The following AIRE variants were observed in gnomAD, a reference collection of about 807,000 sequenced individuals.
AIRE encodes the protein autoimmune regulator.
In AIRE, 52 loss-of-function variants were observed where a neutral mutation model predicts 62.1. The observed-to-expected ratio is 0.84, with a 90% CI of 0.67 to 1.06. The LOEUF is 1.06. Ranked by LOEUF, AIRE falls within the 50% of genes least tolerant of loss-of-function variation. AIRE has a pLI of 0.00. For synonymous variants in AIRE, 342 were observed against 321.6 expected (o/e 1.06, Z -0.68); for missense variants, 774 against 755.8 (o/e 1.02, Z -0.28).
At chr21:44,294,363 C>A (rs376163906) in intron 11 of AIRE, 38 bp from the exon 12 acceptor site, 19 of 1,408,944 alleles carry the variant, frequency 1.3e-5, no homozygotes, top group Non-Finnish European at 1.7e-5. Flanking sequence ...CACTCCTGCT[C>A]CCCCCCAGGG....
chr21:44,296,308 CT>C, intron 12 of AIRE, 74 bp from the exon 13 acceptor site: 1 of 1,370,380 alleles, frequency 7.3e-7, no homozygotes. Context: ...CCCGCGGCCC[CT>C]AGGCCCTGCG....
At position 44,298,462 on chromosome 21, in the gene AIRE, C is replaced by T. The variant is rs577794532; in HGVS notation, c.*735C>T. On this transcript the variant is annotated 3_prime_UTR_variant, in exon 14 of 14. Transcript: ENST00000291582. ...TCCATGTTGTAGCATGTGCCGAAAT[C>T]TGCTTCCTTTTTTAAGGCTGAGTAA... 2 of 153,706 alleles carry T rather than the reference C, an allele frequency of 1.3e-5. No individual in the cohort carries two copies. Among genetic ancestry groups the T allele is most frequent in the East Asian group, 1.9e-4 (1 of 5,200 alleles). The allele number at this position is 153,706 out of a possible 1,614,324, so 9.5% of individuals were successfully genotyped here.
At chr21:44,292,879 A>C in intron 9 of AIRE, 114 bp from the exon 10 acceptor site, 1 of 897,360 alleles carries the variant, frequency 1.1e-6, no homozygotes, top group Non-Finnish European at 1.8e-6. Flanking sequence ...CCACCATGCC[A>C]GGCCTCTGCC....
At chr21:44,290,166 A>T (rs951946750) in intron 7 of AIRE, 98 bp downstream of exon 7, 8 of 1,537,248 alleles carry the variant, frequency 5.2e-6, no homozygotes, top group Non-Finnish European at 4.4e-6. Flanking sequence ...AGGGATGAGC[A>T]CCGGGGCCTG....
rs536903815 is a variant in AIRE at position 44,298,309 on chromosome 21, C to A, written c.*582C>A. ...CACTCACTCCCCATTCCCCTCCCAA[C>A]CCCTGGCACCCTCCACTCTACTTTC... is the stretch of plus-strand genomic sequence containing the variant. On this transcript the variant is annotated 3_prime_UTR_variant, in exon 14 of 14. Transcript: ENST00000291582. 1 of 173,924 alleles carries A rather than the reference C, an allele frequency of 5.7e-6. No homozygotes were observed. The highest frequency in any genetic ancestry group is 1.2e-5 in the Non-Finnish European group (1 of 80,172). 10.8% of individuals were successfully genotyped at this position (173,924 alleles called of 1,614,324 possible). A position where few individuals can be genotyped will look rare whatever the true frequency, so the allele number is the denominator to read the frequency against.
intron 7 of AIRE, chr21:44,290,485 G>C (rs1048870380): frequency 6.4e-5 from 62 of 971,948 alleles, no homozygotes; most frequent in Non-Finnish European, 6.6e-5. Flanking sequence ...TACAGATCTT[G>C]ACCACTTGGC....
At position 44,297,330 on chromosome 21, in the gene AIRE, AC is replaced by A. The variant is rs977355988; in HGVS notation, c.1567-323del. Among the ~76,000 whole-genome samples the A allele has an allele frequency of 8.3e-6, 1 of 120,420 alleles. No homozygotes were observed. The highest frequency in any genetic ancestry group is 9.9e-5 in the Admixed American group (1 of 10,122). 79.0% of individuals were successfully genotyped at this position (120,420 alleles called of 152,430 possible). A position where few individuals can be genotyped will look rare whatever the true frequency, so the allele number is the denominator to read the frequency against. On this transcript the variant is annotated intron_variant, in intron 13 of 13. Coordinates refer to ENST00000291582, the MANE Select transcript of AIRE (RefSeq NM_000383.4). This position sits in a 1 kb window ranked among gnomAD's most constrained non-coding sequence, Gnocchi z 4.8. ...CCGACCCCCCCACCCTGAAGGAGCC[AC>A]CCGAGGAGGCAGAACTGCCATGAAC...
chr21:44,290,224 T>G, intron 7 of AIRE, 156 bp downstream of exon 7: 4 of 983,510 alleles, frequency 4.1e-6, no homozygotes, highest in Non-Finnish European at 4.8e-6. Context: ...AGACAGTATT[T>G]TTTTCCTGAT....
intron 7 of AIRE, 102 bp from the exon 8 acceptor site, chr21:44,290,993 A>G: frequency 1.2e-6 from 2 of 1,613,240 alleles, no homozygotes; most frequent in East Asian, 2.2e-5. Flanking sequence ...GAGTTCAGGT[A>G]CCCAGAGATG....
At chr21:44,290,356 G>A in intron 7 of AIRE, 1 of 985,452 alleles carries the variant, frequency 1.0e-6, no homozygotes, top group Non-Finnish European at 1.2e-6. Context: ...GGTGGGCCGG[G>A]CGCCCCTGCT....
Position 44,298,056 on chromosome 21 carries a change from C to T in AIRE, c.*329C>T, listed in dbSNP as rs1200435388. 13 of 370,118 alleles carry T rather than the reference C, an allele frequency of 3.5e-5. No individual in the cohort carries two copies. Among genetic ancestry groups the T allele is most frequent in the African/African-American group, 6.3e-5 (3 of 47,980 alleles). The allele number at this position is 370,118 out of a possible 1,614,324, so 22.9% of individuals were successfully genotyped here. On this transcript the variant is annotated 3_prime_UTR_variant, in exon 14 of 14. Coordinates refer to ENST00000291582, the MANE Select transcript of AIRE (RefSeq NM_000383.4). The stretch of plus-strand genomic sequence containing the variant: ...CTGAGGCATGAGAATCACTTGAACT[C>T]GGGAGGTGGAGGTTGCAGTGAGCTG...
At chr21:44,291,055 C>G in intron 7 of AIRE, 40 bp from the exon 8 acceptor site, 2 of 1,613,448 alleles carry the variant, frequency 1.2e-6, no homozygotes, top group Non-Finnish European at 1.7e-6. Flanking sequence ...GGGTGCTGCA[C>G]CCCAGCCCAG....
chr21:44,296,829 G>T (rs908124605), intron 13 of AIRE, among the ~76,000 whole-genome samples: 8 of 151,888 alleles, frequency 5.3e-5, no homozygotes, highest in Non-Finnish European at 1.0e-4. Flanking sequence ...GTGGGAGTGG[G>T]GGGGGGGTCC....
Position 44,287,683 on chromosome 21 carries a change from C to A in AIRE, c.538+92C>A. On this transcript the variant is annotated intron_variant, in intron 4 of 13. Transcript: ENST00000291582. The surrounding 1 kb of genome is among the most constrained non-coding windows in gnomAD (Gnocchi z 4.3). ...CAGGGCCTGCCCTCTGAGACCCTGT[C>A]CTAGGGGCTGGGGACGTGCTGGCCT... is the stretch of plus-strand genomic sequence containing the variant. 1 of 1,328,254 alleles carries A rather than the reference C, an allele frequency of 7.5e-7. No homozygotes were observed. The highest frequency in any genetic ancestry group is 1.1e-6 in the Non-Finnish European group (1 of 948,600). The allele number at this position is 1,328,254 out of a possible 1,614,324, so 82.3% of individuals were successfully genotyped here.
At position 44,289,743 on chromosome 21, in the gene AIRE, C is replaced by G. The variant is rs147846074; in HGVS notation, c.739C>G (p.Arg247Gly). Residue 247 changes from arginine to glycine, a missense_variant, in exon 6 of 14, where the codon CGC (arginine) becomes GGC (glycine). By Grantham distance (125) the Arg-to-Gly change is moderately radical. Coordinates refer to ENST00000291582, the MANE Select transcript of AIRE (RefSeq NM_000383.4). ...EDSGSGKNKA[R>G]SSSGPKPLVR... ...CTCCGGCAGTGGGAAGAACAAGGCC[C>G]GCAGCAGCAGTGGCCCGAAGCCTCT... The G allele has an allele frequency of 6.2e-6, 10 of 1,612,718 alleles. No individual in the cohort carries two copies.
chr21:44,286,999 G>A lies in AIRE; in HGVS notation c.329G>A (p.Arg110Gln), dbSNP rs751369006. 49 of 1,612,636 alleles carry A rather than the reference G, an allele frequency of 3.0e-5. No individual in the cohort carries two copies. Among genetic ancestry groups the A allele is most frequent in the Middle Eastern group, 1.6e-4 (1 of 6,078 alleles). ...GCAGATGTGGACCTCAGCCAGCCCC[G>A]GAAGGGGAGGAAGCCCCCGGCCGTC... Reference protein sequence around the residue: ...FPKDVDLSQPRKGRKPPAVPK... With the variant: ...FPKDVDLSQPQKGRKPPAVPK... Residue 110 changes from arginine to glutamine, a missense_variant, in exon 3 of 14, where the codon CGG becomes CAG. Physicochemically the swap from Arg to Gln is conservative, Grantham distance 43 (BLOSUM62 1). Coordinates refer to ENST00000291582, the MANE Select transcript of AIRE (RefSeq NM_000383.4). The surrounding 1 kb of genome is among the most constrained non-coding windows in gnomAD (Gnocchi z 6.0).
chr21:44,290,089 A>G (rs1176607587), intron 7 of AIRE, 21 bp downstream of exon 7: 1 of 1,606,016 alleles, frequency 6.2e-7, no homozygotes, highest in Non-Finnish European at 8.5e-7. Context: ...AGACCACAGG[A>G]GAGGCCCCTG....
Position 44,287,351 on chromosome 21 carries a change from G to A in AIRE, c.464-166G>A. 1.4e-6 allele frequency: 1 copy of A among 719,382 alleles called. No individual in the cohort carries two copies. Among genetic ancestry groups the A allele is most frequent in the Non-Finnish European group, 2.3e-6 (1 of 426,338 alleles). The allele number at this position is 719,382 out of a possible 1,614,324, so 44.6% of individuals were successfully genotyped here. A position where few individuals can be genotyped will look rare whatever the true frequency, so the allele number is the denominator to read the frequency against. ...GAGCTCCCCGGAGCTGGTGAAGTAG[G>A]CGGGCGGGTCTCATTTCCCTTTTAC... On this transcript the variant is annotated intron_variant, in intron 3 of 13. Coordinates refer to ENST00000291582, the MANE Select transcript of AIRE (RefSeq NM_000383.4). This position sits in a 1 kb window ranked among gnomAD's most constrained non-coding sequence, Gnocchi z 4.3.
At chr21:44,296,641 A>C (rs1601972334) in intron 13 of AIRE, among the ~76,000 whole-genome samples, 196 bp downstream of exon 13, 2 of 85,682 alleles carry the variant, frequency 2.3e-5, no homozygotes, top group South Asian at 4.0e-4. Context: ...GAGCCCCCCT[A>C]GCCCCCTTGC....
Sources: allele counts gnomAD v4.1 joint callset (sites outside exome capture counted in the v4.1 genomes callset), GRCh38; gene constraint gnomAD v4.1.1; non-coding constraint Gnocchi (gnomAD v3.1); transcripts MANE v1.5; gene names NCBI Gene and HGNC (gene_info 2026-07-23, HGNC 2026-07-21).